The following SLC24A4 variants were observed in gnomAD, a reference collection of about 807,000 sequenced individuals.
The protein encoded by SLC24A4 is solute carrier family 24 member 4.
Under a neutral mutation model 79.0 loss-of-function variants are expected in SLC24A4, and 53 were observed. The observed-to-expected ratio is 0.67, with a 90% confidence interval of 0.54 to 0.84. SLC24A4 has a LOEUF of 0.84. Among genes scored for constraint, SLC24A4 ranks in the 40% least tolerant of loss-of-function variants. SLC24A4 has a pLI of 0.00. For missense variants in SLC24A4, 731 were observed against 822.0 expected (o/e 0.89, Z 1.35); for synonymous variants, 323 against 323.8 (o/e 1.00, Z 0.03).
rs192961170 is a variant in SLC24A4, at chr14:92,412,475, G to A, written c.242-21437G>A. 3.1e-3 allele frequency among the ~76,000 whole-genome samples: 467 copies of A among 152,300 alleles called. 1 individual carries two copies. Among genetic ancestry groups the A allele is most frequent in the African/African-American group, 0.011 (447 of 41,552 alleles). ...GCCCCGCACTCTGAGTAGCCTACTG[G>A]TGTGATCTGGCTCTGATCTGCATTT... On this transcript the variant is annotated intron_variant, in intron 2 of 16. Transcript: ENST00000532405.
chr14:92,382,225 A>G (rs1888895125), intron 2 of SLC24A4, among the ~76,000 whole-genome samples: 1 of 152,170 alleles, frequency 6.6e-6, no homozygotes, highest in African/African-American at 2.4e-5. Flanking sequence ...CCTTTGGGGA[A>G]AAATAATGTT....
At chr14:92,486,831 C>A in intron 14 of SLC24A4, 51 bp downstream of exon 14, 1 of 1,346,332 alleles carries the variant, frequency 7.4e-7, no homozygotes, top group Non-Finnish European at 1.1e-6. Flanking sequence ...GCCACTGTGT[C>A]CTCGTCCCTG....
intron 2 of SLC24A4, among the ~76,000 whole-genome samples, chr14:92,348,338 T>C (rs1271927055): frequency 6.6e-6 from 1 of 152,256 alleles, no homozygotes; most frequent in Non-Finnish European, 1.5e-5. Flanking sequence ...ACAGTTGTTC[T>C]AAGTCAGAGG....
Position 92,368,505 on chromosome 14 carries a change from ACAGGCT to A in SLC24A4, c.241+42530_241+42535del, listed in dbSNP as rs1887979276. On this transcript the variant is annotated intron_variant, in intron 2 of 16. Coordinates refer to ENST00000532405, the MANE Select transcript of SLC24A4 (RefSeq NM_153646.4). ...AGCTGTTATTTAAACATCGAAGAAC[ACAGGCT>A]CACTGCTGAAGGTAATGGATTGAAA... Among the ~76,000 whole-genome samples the A allele has an allele frequency of 3.3e-5, 5 of 152,236 alleles. 1 individual carries two copies. In the South Asian group the frequency reaches 1.0e-3, roughly 31 times the overall value.
chr14:92,404,294 A>C (rs1053054242), intron 2 of SLC24A4, among the ~76,000 whole-genome samples: 2 of 152,196 alleles, frequency 1.3e-5, no homozygotes, highest in Admixed American at 6.5e-5. Flanking sequence ...TGACAGCCAG[A>C]GTGATCTTTC....
chr14:92,488,003 C>T, intron 14 of SLC24A4, among the ~76,000 whole-genome samples: 1 of 150,702 alleles, frequency 6.6e-6, no homozygotes, highest in Non-Finnish European at 1.5e-5. Context: ...TCCTCTCGCT[C>T]CTCCTCCTTT....
chr14:92,360,252 T>C (rs1458709854), intron 2 of SLC24A4, among the ~76,000 whole-genome samples: 1 of 152,144 alleles, frequency 6.6e-6, no homozygotes, highest in Non-Finnish European at 1.5e-5. Flanking sequence ...CATTATTATT[T>C]TAGGGACAGG....
chr14:92,475,456 A>T (rs1000255916), intron 12 of SLC24A4, among the ~76,000 whole-genome samples: 1 of 152,222 alleles, frequency 6.6e-6, no homozygotes, highest in African/African-American at 2.4e-5. Flanking sequence ...TGGTGGATTC[A>T]AGTAGTAAGG....
intron 7 of SLC24A4, 102 bp downstream of exon 7, chr14:92,443,576 C>T: frequency 1.7e-6 from 2 of 1,184,096 alleles, no homozygotes; most frequent in South Asian, 2.6e-5. Context: ...AGAGAGGACT[C>T]ACAGCACACA....
intron 14 of SLC24A4, among the ~76,000 whole-genome samples, chr14:92,488,370 C>T (rs1895494585): frequency 6.6e-6 from 1 of 152,188 alleles, no homozygotes; most frequent in Admixed American, 6.5e-5. Context: ...CTGCACCCAG[C>T]AGACTTCCTC....
intron 2 of SLC24A4, among the ~76,000 whole-genome samples, chr14:92,383,690 C>T (rs894091870): frequency 3.9e-5 from 6 of 152,206 alleles, no homozygotes; most frequent in African/African-American, 9.7e-5. Flanking sequence ...CTCCCTACCC[C>T]AGCAAGGTGA....
chr14:92,463,800 G>T (rs1893949121), intron 12 of SLC24A4, among the ~76,000 whole-genome samples: 1 of 151,934 alleles, frequency 6.6e-6, no homozygotes, highest in South Asian at 2.1e-4. Context: ...ACCCATAACT[G>T]CCCTTCCCTC....
At chr14:92,383,929 G>GT (rs1438682238) in intron 2 of SLC24A4, among the ~76,000 whole-genome samples, 1 of 152,220 alleles carries the variant, frequency 6.6e-6, no homozygotes, top group Non-Finnish European at 1.5e-5. Context: ...CACTCGCCGT[G>GT]GCGGGACAGC....
At chr14:92,420,959 A>G (rs1039499945) in intron 2 of SLC24A4, among the ~76,000 whole-genome samples, 10 of 152,158 alleles carry the variant, frequency 6.6e-5, no homozygotes, top group Non-Finnish European at 1.2e-4. Flanking sequence ...GGGTCCTGGC[A>G]TCAGAGCCCT....
chr14:92,494,637 A>T lies in SLC24A4; in HGVS notation c.*1009A>T, dbSNP rs1895862467. On this transcript the variant is annotated 3_prime_UTR_variant, in exon 17 of 17. Coordinates refer to ENST00000532405, the MANE Select transcript of SLC24A4 (RefSeq NM_153646.4). This position sits in a 1 kb window ranked among gnomAD's most constrained non-coding sequence, Gnocchi z 4.6. ...ACCCTGTTGAAAGTTCCAGTTATTT[A>T]TATGCCCAACAAATTTCATAGCCTG... 6.6e-6 allele frequency: 1 copy of T among 152,240 alleles called. No individual in the cohort carries two copies. The highest frequency in any genetic ancestry group is 2.1e-4 in the South Asian group (1 of 4,832). 9.4% of individuals were successfully genotyped at this position (152,240 alleles called of 1,614,324 possible). A position where few individuals can be genotyped will look rare whatever the true frequency, so the allele number is the denominator to read the frequency against.
At chr14:92,474,579 G>A (rs1894609937) in intron 12 of SLC24A4, among the ~76,000 whole-genome samples, 1 of 151,280 alleles carries the variant, frequency 6.6e-6, no homozygotes, top group South Asian at 2.1e-4. Context: ...CCACATCCCG[G>A]ATTCAAGCGA....
In SLC24A4 at chr14:92,439,392, C is replaced by A. The variant is rs779117664; in HGVS notation, c.376C>A (p.Leu126Ile). The change falls in exon 4 of 17, where the codon CTA becomes ATA. Residue 126 changes from leucine (L) to isoleucine (I), a missense_variant. Coordinates refer to ENST00000532405, the MANE Select transcript of SLC24A4 (RefSeq NM_153646.4). ...GTGCGATGACTTCTTTGTTCCGTCT[C>A]TAGAGAAGATCTGTGAGGTATGTGG... ...IVCDDFFVPS[L>I]EKICERLHLS... is the part of the protein sequence containing the mutation. 1.2e-6 allele frequency: 2 copies of A among 1,612,814 alleles called. No individual in the cohort carries two copies. The highest frequency in any genetic ancestry group is 1.1e-5 in the South Asian group (1 of 91,070).
intron 2 of SLC24A4, among the ~76,000 whole-genome samples, chr14:92,407,180 A>G (rs972064538): frequency 2.0e-5 from 3 of 152,246 alleles, no homozygotes; most frequent in Non-Finnish European, 4.4e-5. Context: ...TTACTAAAGC[A>G]TAGCAAGAGT....
intron 12 of SLC24A4, among the ~76,000 whole-genome samples, chr14:92,477,630 T>A (rs1264885460): frequency 6.6e-6 from 1 of 152,138 alleles, no homozygotes; most frequent in East Asian, 1.9e-4. Flanking sequence ...AGTTTTTGTA[T>A]TTTTTGTAGA....
Sources: allele counts gnomAD v4.1 joint callset (sites outside exome capture counted in the v4.1 genomes callset), GRCh38; gene constraint gnomAD v4.1.1; non-coding constraint Gnocchi (gnomAD v3.1); transcripts MANE v1.5; gene names NCBI Gene and HGNC (gene_info 2026-07-23, HGNC 2026-07-21).